The following GPCPD1 variants were observed in gnomAD, a reference collection of about 807,000 sequenced individuals.
The protein encoded by GPCPD1 is glycerophosphocholine phosphodiesterase GPCPD1.
GPCPD1 carries 29 observed loss-of-function variants against 89.2 expected under a neutral mutation model. The observed-to-expected ratio is 0.33, with a 90% CI of 0.24 to 0.44. The LOEUF (loss-of-function observed/expected upper bound fraction) is 0.44. GPCPD1 is among the 20% of genes least tolerant of loss of function. The pLI is 1.00. For synonymous variants in GPCPD1, 258 were observed against 266.3 expected (o/e 0.97, Z 0.30); for missense variants, 594 against 808.9 (o/e 0.73, Z 3.22).
chr20:5,595,720 A>G (rs530467235), intron 3 of GPCPD1, among the ~76,000 whole-genome samples: 1 of 152,258 alleles, frequency 6.6e-6, no homozygotes, highest in East Asian at 1.9e-4. Flanking sequence ...AATAAGCCTC[A>G]GAATCCTTTT....
In GPCPD1 at chr20:5,579,833, T is replaced by C. The variant is rs547602370; in HGVS notation, c.473+175A>G. Among the ~76,000 whole-genome samples, 11 of 152,346 alleles carry C rather than the reference T, an allele frequency of 7.2e-5. No homozygotes were observed. The East Asian group carries it at 2.1e-3, about 29-fold the overall frequency. On this transcript the variant is annotated intron_variant, in intron 7 of 19. Coordinates refer to ENST00000379019, the MANE Select transcript of GPCPD1 (RefSeq NM_019593.5). ...TCTACATGTAGAAATTAAGACTAAC[T>C]GCAACAGTAGCAATCTGAGCGGGGA...
intron 11 of GPCPD1, among the ~76,000 whole-genome samples, 160 bp downstream of exon 11, chr20:5,573,755 A>G (rs913765438): frequency 6.6e-6 from 1 of 152,160 alleles, no homozygotes; most frequent in Non-Finnish European, 1.5e-5. Flanking sequence ...AAAAAAAAGA[A>G]AAGATGCTTA....
At chr20:5,585,947 A>G in intron 5 of GPCPD1, 1 of 370,668 alleles carries the variant, frequency 2.7e-6, no homozygotes, top group Non-Finnish European at 4.8e-6. Flanking sequence ...TGAATATTTC[A>G]TAATAAACTA....
intron 12 of GPCPD1, chr20:5,567,788 G>T (rs910099144): frequency 8.1e-6 from 3 of 370,392 alleles, no homozygotes; most frequent in Non-Finnish European, 1.4e-5. Context: ...TTATTGCAGT[G>T]TAGAATACCT....
At chr20:5,602,041 T>C (rs1317460419) in intron 2 of GPCPD1, among the ~76,000 whole-genome samples, 1 of 152,228 alleles carries the variant, frequency 6.6e-6, no homozygotes, top group Non-Finnish European at 1.5e-5. Context: ...CTCCTGGTTG[T>C]ACTTGTTTCC....
At chr20:5,601,392 GGAGTCTTGCTCCATCGC>G (rs1198517628) in intron 2 of GPCPD1, among the ~76,000 whole-genome samples, 1 of 120,972 alleles carries the variant, frequency 8.3e-6, no homozygotes, top group African/African-American at 3.2e-5. Context: ...TTTTTGAGAT[GGAGTCTTGCTCCATCGC>G]CCAGGCTGGA....
At chr20:5,590,542 C>CAAA (rs71197771) in intron 4 of GPCPD1, among the ~76,000 whole-genome samples, 2 of 78,982 alleles carry the variant, frequency 2.5e-5, no homozygotes, top group Non-Finnish European at 4.7e-5. Flanking sequence ...GACTCTGTCT[C>CAAA]AAAAAAAAAA....
intron 11 of GPCPD1, among the ~76,000 whole-genome samples, chr20:5,572,984 G>T (rs1986806722): frequency 2.0e-5 from 3 of 152,054 alleles, no homozygotes; most frequent in Admixed American, 2.0e-4. Context: ...CAAAGCTCCA[G>T]CCTCAGACTC....
At chr20:5,609,418 G>A (rs942375660) in intron 1 of GPCPD1, among the ~76,000 whole-genome samples, 1 of 152,122 alleles carries the variant, frequency 6.6e-6, no homozygotes, top group Non-Finnish European at 1.5e-5. Context: ...GACGTTAATG[G>A]ATCTTTATTT....
intron 6 of GPCPD1, among the ~76,000 whole-genome samples, chr20:5,581,326 T>C (rs1978467429): frequency 6.6e-6 from 1 of 152,218 alleles, no homozygotes; most frequent in African/African-American, 2.4e-5. Flanking sequence ...AATAATTAGC[T>C]ATACTGTCAC....
intron 15 of GPCPD1, among the ~76,000 whole-genome samples, chr20:5,562,936 A>G (rs1353498489): frequency 1.3e-5 from 2 of 152,140 alleles, no homozygotes; most frequent in Non-Finnish European, 2.9e-5. Context: ...TTGCCAGAAA[A>G]GTGTCTATAT....
In GPCPD1 at chr20:5,546,506, C is replaced by CT. The variant is rs991285133; in HGVS notation, c.*1154dup. On this transcript the variant is annotated 3_prime_UTR_variant, in exon 20 of 20. Coordinates refer to ENST00000379019, the MANE Select transcript of GPCPD1 (RefSeq NM_019593.5). ...TGTATCATTTTATTTAACATTCATT[C>CT]TTTAAGTTACAGTTAACACAATCTG... 1.3e-5 allele frequency: 2 copies of CT among 152,128 alleles called. No homozygotes were observed. Among genetic ancestry groups the CT allele is most frequent in the African/African-American group, 4.8e-5 (2 of 41,418 alleles). The allele number at this position is 152,128 out of a possible 1,614,324, so 9.4% of individuals were successfully genotyped here.
chr20:5,565,170 A>G (rs1986318494), intron 14 of GPCPD1, 92 bp from the exon 15 acceptor site: 3 of 745,200 alleles, frequency 4.0e-6, no homozygotes, highest in Middle Eastern at 2.4e-4. Flanking sequence ...AAAACAGGGA[A>G]AGAGAGAGAG....
chr20:5,552,713 T>C (rs1985497389), intron 19 of GPCPD1, among the ~76,000 whole-genome samples: 1 of 152,242 alleles, frequency 6.6e-6, no homozygotes, highest in South Asian at 2.1e-4. Context: ...TGCTATTTCA[T>C]GCAAAATTAA....
rs906139017 is a variant in GPCPD1, at chr20:5,605,215, ATTT to A, written c.-28-778_-28-776del. Among the ~76,000 whole-genome samples the A allele has an allele frequency of 7.2e-5, 11 of 152,286 alleles. No homozygotes were observed. In the South Asian group the frequency reaches 2.3e-3, roughly 32 times the overall value. The stretch of plus-strand genomic sequence containing the variant: ...GTAAAACAAAGTATCCAAACTTGTT[ATTT>A]TTTAAGTCGTCAAGATTCTTTTGCT... On this transcript the variant is annotated intron_variant, in intron 1 of 19. Transcript: ENST00000379019.
intron 11 of GPCPD1, among the ~76,000 whole-genome samples, 187 bp from the exon 12 acceptor site, chr20:5,570,426 CAAAAAA>C (rs36030193): frequency 1.9e-4 from 16 of 86,048 alleles, no homozygotes; most frequent in East Asian, 1.0e-3. Flanking sequence ...TTTTTCCTGG[CAAAAAA>C]AAAAAAAAAA....
chr20:5,557,077 C>T (rs893627374), intron 19 of GPCPD1, among the ~76,000 whole-genome samples: 6 of 152,314 alleles, frequency 3.9e-5, no homozygotes, highest in Middle Eastern at 3.4e-3. Context: ...GAATGGGAAA[C>T]AGCAGATGGG....
chr20:5,547,545 T>C lies in GPCPD1; in HGVS notation c.*116A>G. 3.6e-6 allele frequency: 2 copies of C among 554,592 alleles called. No homozygotes were observed. Among genetic ancestry groups the C allele is most frequent in the East Asian group, 5.5e-5 (2 of 36,452 alleles). The allele number at this position is 554,592 out of a possible 1,614,324, so 34.4% of individuals were successfully genotyped here. A position where few individuals can be genotyped will look rare whatever the true frequency, so the allele number is the denominator to read the frequency against. On this transcript the variant is annotated 3_prime_UTR_variant, in exon 20 of 20. Coordinates refer to ENST00000379019, the MANE Select transcript of GPCPD1 (RefSeq NM_019593.5). ...GTAGTGAAAGAGTTAAATACTTCAT[T>C]ATTGCTTCATTGAACTGAGAAGCCC... is the stretch of plus-strand genomic sequence containing the variant.
chr20:5,566,694 AC>A (rs1168551954), intron 14 of GPCPD1, 38 bp downstream of exon 14: 1 of 1,265,816 alleles, frequency 7.9e-7, no homozygotes, highest in Non-Finnish European at 1.2e-6. Flanking sequence ...ATTAATGCTA[AC>A]TACAAAAGGA....
Sources: allele counts gnomAD v4.1 joint callset (sites outside exome capture counted in the v4.1 genomes callset), GRCh38; gene constraint gnomAD v4.1.1; transcripts MANE v1.5; gene names NCBI Gene and HGNC (gene_info 2026-07-23, HGNC 2026-07-21).